MROH2A: variants seen among roughly 807,000 people sequenced by gnomAD.
MROH2A encodes maestro heat like repeat family member 2A.
In MROH2A, 174 loss-of-function variants were observed where a neutral mutation model predicts 200.4. That is an observed-to-expected ratio of 0.87 (90% confidence interval 0.77 to 0.98). The LOEUF is 0.98. MROH2A is among the 50% of genes least tolerant of loss of function. The pLI is 0.00. For synonymous variants in MROH2A, 829 were observed against 840.4 expected, an observed-to-expected ratio of 0.99 and a Z score of 0.23; for missense variants, 2,045 against 2,139.6, an observed-to-expected ratio of 0.96 and a Z score of 0.87.
At chr2:233,800,618 CGTGTGTGTGTGTATGTGTGTGTGTGT>C (rs1702405570) in intron 14 of MROH2A, among the ~76,000 whole-genome samples, 1 of 120,846 alleles carries the variant, frequency 8.3e-6, no homozygotes, top group Non-Finnish European at 1.7e-5. Context: ...CTTTAAGGCC[CGTGTGTGTGTGTATGTGTGTGTGTGT>C]GTGTGTGTGT....
At chr2:233,817,245 C>T (rs570987104) in intron 27 of MROH2A, among the ~76,000 whole-genome samples, 1 of 152,292 alleles carries the variant, frequency 6.6e-6, no homozygotes, top group African/African-American at 2.4e-5. Flanking sequence ...GTACCGCAAC[C>T]CTTAAAATGT....
At chr2:233,775,832 A>T, upstream of MROH2A, 1 of 152,236 alleles carries the variant, frequency 6.6e-6, no homozygotes, top group East Asian at 1.9e-4. Context: ...CCCATGTGTC[A>T]TTAGAGGGAC....
chr2:233,821,026 A>G (rs1336329957), intron 31 of MROH2A, among the ~76,000 whole-genome samples: 1 of 152,194 alleles, frequency 6.6e-6, no homozygotes, highest in Non-Finnish European at 1.5e-5. Flanking sequence ...GCCACGTCAC[A>G]CTGGCTTTCA....
chr2:233,785,259 G>A (rs548110138), intron 3 of MROH2A, among the ~76,000 whole-genome samples: 42 of 152,256 alleles, frequency 2.8e-4, no homozygotes, highest in South Asian at 2.3e-3. Context: ...GCTCATGCCA[G>A]GAGTGCAAGA....
At chr2:233,783,897 C>A (rs1318025300) in intron 3 of MROH2A, among the ~76,000 whole-genome samples, 2 of 151,966 alleles carry the variant, frequency 1.3e-5, no homozygotes, top group African/African-American at 4.8e-5. Context: ...GTTATGCATC[C>A]TTTCATTTCT....
rs1363545984 is a variant in MROH2A at position 233,798,784 on chromosome 2, G to A, written c.1263G>A (p.Met421Ile). ...RAIVSADEPRMSIRAIYLAIR... is the reference protein window; with the variant it reads ...RAIVSADEPRISIRAIYLAIR... ...GTTTTCCTCTTTCAGAGCCCAGGATGAGTATCAGGGCCATCTACCTGGCTA... is the reference window on the plus strand; with the variant it reads ...GTTTTCCTCTTTCAGAGCCCAGGATAAGTATCAGGGCCATCTACCTGGCTA... The change falls in exon 12 of 42, where the codon ATG becomes ATA. Residue 421 changes from methionine (M) to isoleucine (I), a missense_variant. By Grantham distance (10) the Met-to-Ile change is conservative. Around this residue, in one of 3 missense-constraint regions of MROH2A, gnomAD observed 831 missense variants for 800.0 expected, o/e 1.04. Transcript: ENST00000389758. 4 of 1,550,304 alleles carry A rather than the reference G, an allele frequency of 2.6e-6. No homozygotes were observed. The highest frequency in any genetic ancestry group is 2.0e-5 in the Admixed American group (1 of 50,998).
Position 233,803,435 on chromosome 2 carries a change from T to G in MROH2A, c.1709-13T>G. 1 of 1,550,434 alleles carries G rather than the reference T, an allele frequency of 6.4e-7. No individual in the cohort carries two copies. Among genetic ancestry groups the G allele is most frequent in the Non-Finnish European group, 8.7e-7 (1 of 1,146,930 alleles). On this transcript the variant is annotated splice_polypyrimidine_tract_variant and intron_variant, in intron 15 of 41. Coordinates refer to ENST00000389758, the MANE Select transcript of MROH2A (RefSeq NM_001394639.1). ...CAGGAAGGCTCAGCTGGGGTTGCAT[T>G]TCCTTCAATCAGTGGACCTGCCTGC...
At chr2:233,825,921 CTTTTTTTTTT>C (rs34849761) in intron 35 of MROH2A, among the ~76,000 whole-genome samples, 2 of 95,252 alleles carry the variant, frequency 2.1e-5, no homozygotes, top group African/African-American at 9.2e-5. Context: ...TTTCTTTTTC[CTTTTTTTTTT>C]TTTTTTTTTT....
At chr2:233,792,504 G>A (rs1312026971) in intron 5 of MROH2A, among the ~76,000 whole-genome samples, 2 of 152,040 alleles carry the variant, frequency 1.3e-5, no homozygotes, top group Non-Finnish European at 2.9e-5. Context: ...AGTAGAGACG[G>A]GGTTTCAACC....
At chr2:233,785,358 C>T (rs1247089777) in intron 3 of MROH2A, among the ~76,000 whole-genome samples, 1 of 150,724 alleles carries the variant, frequency 6.6e-6, no homozygotes, top group Non-Finnish European at 1.5e-5. Context: ...AGCTACTTGG[C>T]AGGCCGAGAT....
Position 233,811,939 on chromosome 2 carries a change from G to T in MROH2A, c.2631G>T (p.Met877Ile). Residue 877 changes from methionine to isoleucine, a missense_variant, in exon 24 of 42, where the codon ATG becomes ATT. By Grantham distance (10) the Met-to-Ile change is conservative. Transcript: ENST00000389758. ...NLVSPVRALA[M>I]EALSHLSKLK... is the part of the protein sequence containing the mutation. ...TTTCTCCAGTGCGAGCCTTGGCGATGGAGGCCCTCTCGCACCTGAGGTGAG... is the reference window on the plus strand; with the variant it reads ...TTTCTCCAGTGCGAGCCTTGGCGATTGAGGCCCTCTCGCACCTGAGGTGAG... 1 of 1,550,124 alleles carries T rather than the reference G, an allele frequency of 6.5e-7. No homozygotes were observed. The highest frequency in any genetic ancestry group is 2.4e-5 in the East Asian group (1 of 40,906).
rs28900702 is a variant in MROH2A, at chr2:233,831,671, G to T, written c.4734+131G>T. 7.9e-6 allele frequency: 8 copies of T among 1,015,676 alleles called. No homozygotes were observed. In the African/African-American group the frequency reaches 1.3e-4, roughly 17 times the overall value. The allele number at this position is 1,015,676 out of a possible 1,614,324, so 62.9% of individuals were successfully genotyped here. On this transcript the variant is annotated intron_variant, in intron 39 of 41. Coordinates refer to ENST00000389758, the MANE Select transcript of MROH2A (RefSeq NM_001394639.1). Reference sequence around the variant, plus strand: ...CTTCCACACATGCCATGTCGAGACCGGCACTGTGCAGCAGAAATAGAAGGC... The same window carrying T: ...CTTCCACACATGCCATGTCGAGACCTGCACTGTGCAGCAGAAATAGAAGGC...
At position 233,799,880 on chromosome 2, in the gene MROH2A, C is replaced by T. The variant is rs993372815; in HGVS notation, c.1430C>T (p.Thr477Ile). 2 of 1,550,440 alleles carry T rather than the reference C, an allele frequency of 1.3e-6. No individual in the cohort carries two copies. The highest frequency in any genetic ancestry group is 2.4e-5 in the East Asian group (1 of 40,936). ...CTGAAGTACCTGTCTGTGCAGCTGA[C>T]CTTATCCACCTACAAACTGGTGAGT... ...WGLKYLSVQL[T>I]LSTYKLTNRR... The change falls in exon 13 of 42, where the codon ACC becomes ATC. Residue 477 changes from threonine (T) to isoleucine (I), a missense_variant. This residue lies in a region of MROH2A where 831 missense variants were observed against 800.0 expected (regional missense o/e 1.04). Coordinates refer to ENST00000389758, the MANE Select transcript of MROH2A (RefSeq NM_001394639.1).
At chr2:233,778,873 G>A (rs987985775) in intron 1 of MROH2A, among the ~76,000 whole-genome samples, 1 of 152,220 alleles carries the variant, frequency 6.6e-6, no homozygotes, top group Non-Finnish European at 1.5e-5. Flanking sequence ...CTGGCCAGGA[G>A]TCTAGGCATG....
rs1184199558 is a variant in MROH2A, at chr2:233,779,692, A to G, written c.116A>G (p.Asn39Ser). Residue 39 changes from asparagine to serine, a missense_variant, in exon 3 of 42, where the codon AAC (asparagine) becomes AGC (serine). By Grantham distance (46) the Asn-to-Ser change is conservative. Around this residue, in one of 3 missense-constraint regions of MROH2A, gnomAD observed 831 missense variants for 800.0 expected, o/e 1.04. Transcript: ENST00000389758. ...HDSGTFQQVV[N>S]LLDIIDSESA... is the part of the protein sequence containing the mutation. The stretch of plus-strand genomic sequence containing the variant: ...ATAGGTACCTTTCAACAAGTCGTGA[A>G]CCTTCTGGACATCATTGACAGCGAG... The G allele has an allele frequency of 1.3e-6, 2 of 1,551,130 alleles. No individual in the cohort carries two copies. The highest frequency in any genetic ancestry group is 8.7e-7 in the Non-Finnish European group (1 of 1,147,106).
Position 233,828,383 on chromosome 2 carries a change from C to T in MROH2A, c.4114-247C>T, listed in dbSNP as rs923727113. 1.2e-4 allele frequency among the ~76,000 whole-genome samples: 18 copies of T among 152,212 alleles called. No individual in the cohort carries two copies. The highest frequency in any genetic ancestry group is 3.3e-4 in the Admixed American group (5 of 15,284). ...TTATGTTACCTGAAAAAATAAATGA[C>T]GAATTTATATATATACGTAACACTT... On this transcript the variant is annotated intron_variant, in intron 35 of 41. Transcript: ENST00000389758. The surrounding 1 kb of genome is among the most constrained non-coding windows in gnomAD (Gnocchi z 4.6).
rs899155246 is a variant in MROH2A at position 233,820,333 on chromosome 2, C to T, written c.3512+277C>T. 6.6e-6 allele frequency among the ~76,000 whole-genome samples: 1 copy of T among 151,998 alleles called. No individual in the cohort carries two copies. Among genetic ancestry groups the T allele is most frequent in the African/African-American group, 2.4e-5 (1 of 41,450 alleles). ...CAGTGTCTGTGGAGTTCATTCTCTCCCAGAGTAGCCCTTTCCTTCCCTGTG... is the reference window on the plus strand; with the variant it reads ...CAGTGTCTGTGGAGTTCATTCTCTCTCAGAGTAGCCCTTTCCTTCCCTGTG... On this transcript the variant is annotated intron_variant, in intron 31 of 41. Coordinates refer to ENST00000389758, the MANE Select transcript of MROH2A (RefSeq NM_001394639.1). This position sits in a 1 kb window ranked among gnomAD's most constrained non-coding sequence, Gnocchi z 4.1.
intron 11 of MROH2A, among the ~76,000 whole-genome samples, chr2:233,797,747 C>T (rs1314049972): frequency 1.3e-5 from 2 of 152,136 alleles, no homozygotes; most frequent in Non-Finnish European, 2.9e-5. Flanking sequence ...CCCCAACCCT[C>T]TAGCAGGCCC....
intron 24 of MROH2A, among the ~76,000 whole-genome samples, chr2:233,812,376 C>T (rs561828069): frequency 6.6e-6 from 1 of 152,274 alleles, no homozygotes; most frequent in Admixed American, 6.5e-5. Context: ...CCAAGACTTA[C>T]CTTCCTGGAG....
Sources: allele counts gnomAD v4.1 joint callset (sites outside exome capture counted in the v4.1 genomes callset), GRCh38; gene constraint gnomAD v4.1.1; regional missense constraint gnomAD v4.1.1; non-coding constraint Gnocchi (gnomAD v3.1); transcripts MANE v1.5; gene names NCBI Gene and HGNC (gene_info 2026-07-23, HGNC 2026-07-21).